The following EPHB2 variants were observed in gnomAD, a reference collection of about 807,000 sequenced individuals.
EPHB2 encodes the protein EPH receptor B2.
Under a neutral mutation model 96.4 loss-of-function variants are expected in EPHB2, and 18 were observed. The ratio of observed to expected loss-of-function variants is 0.19; its 90% CI spans 0.13 to 0.28. EPHB2 has a LOEUF of 0.28. EPHB2 is among the 10% of genes least tolerant of loss of function. The pLI is 1.00. For missense variants in EPHB2, 989 were observed against 1,355.4 expected (o/e 0.73, Z 4.25); for synonymous variants, 506 against 534.1 (o/e 0.95, Z 0.72).
chr1:22,766,433 G>C (rs1644308485), intron 1 of EPHB2, among the ~76,000 whole-genome samples: 1 of 152,248 alleles, frequency 6.6e-6, no homozygotes, highest in Non-Finnish European at 1.5e-5. Context: ...TTTGGGAGCT[G>C]TTCTCAGTCG....
chr1:22,810,239 A>T (rs756180653), intron 3 of EPHB2, among the ~76,000 whole-genome samples: 1 of 152,122 alleles, frequency 6.6e-6, no homozygotes, highest in Admixed American at 6.5e-5. Context: ...CACTGCCAAC[A>T]TGATCCTACG....
intron 3 of EPHB2, among the ~76,000 whole-genome samples, chr1:22,792,485 T>C (rs1438198678): frequency 6.6e-6 from 1 of 152,158 alleles, no homozygotes; most frequent in Non-Finnish European, 1.5e-5. Flanking sequence ...CCCTGGCCAA[T>C]GTACTCAAGT....
intron 1 of EPHB2, among the ~76,000 whole-genome samples, chr1:22,751,757 C>T (rs1166739007): frequency 1.3e-5 from 2 of 152,208 alleles, no homozygotes; most frequent in Non-Finnish European, 2.9e-5. Flanking sequence ...GGGAGGATCA[C>T]CTGCCACACA....
rs1214062715 is a variant in EPHB2, at chr1:22,781,414, C to A, written c.62-7C>A. The A allele has an allele frequency of 6.2e-7, 1 of 1,613,954 alleles. No individual in the cohort carries two copies. Among genetic ancestry groups the A allele is most frequent in the South Asian group, 1.1e-5 (1 of 91,056 alleles). Reference sequence around the variant, plus strand: ...GGCGGGGTGGTGACTCTTTGCTCTCCCCACAGAAACGCTAATGGACTCCAC... The same window carrying A: ...GGCGGGGTGGTGACTCTTTGCTCTCACCACAGAAACGCTAATGGACTCCAC... On this transcript the variant is annotated splice_region_variant and splice_polypyrimidine_tract_variant and intron_variant, in intron 1 of 15. Transcript: ENST00000374630.
intron 1 of EPHB2, among the ~76,000 whole-genome samples, chr1:22,715,843 C>G (rs1388406360): frequency 2.0e-5 from 3 of 152,244 alleles, no homozygotes; most frequent in African/African-American, 7.2e-5. Flanking sequence ...CAAATCCCAG[C>G]TGTGTGCTCT....
chr1:22,863,245 TG>T, intron 4 of EPHB2, 53 bp downstream of exon 4: 1 of 1,612,796 alleles, frequency 6.2e-7, no homozygotes, highest in Non-Finnish European at 8.5e-7. Context: ...CAGGTCTACC[TG>T]CAGAAAAGCT....
At chr1:22,712,176 CG>C (rs1320534342) in intron 1 of EPHB2, among the ~76,000 whole-genome samples, 4 of 152,172 alleles carry the variant, frequency 2.6e-5, no homozygotes, top group African/African-American at 9.6e-5. Context: ...ATACACCTTC[CG>C]GGGAAGACAG....
intron 1 of EPHB2, among the ~76,000 whole-genome samples, chr1:22,735,672 T>G (rs1643811788): frequency 6.6e-6 from 1 of 152,136 alleles, no homozygotes; most frequent in South Asian, 2.1e-4. Context: ...CTGTCTCAGC[T>G]CTACATGATG....
chr1:22,736,471 C>T (rs1328456781), intron 1 of EPHB2, among the ~76,000 whole-genome samples: 3 of 152,232 alleles, frequency 2.0e-5, no homozygotes, highest in African/African-American at 7.2e-5. Flanking sequence ...CTCTGTTTAG[C>T]AGCCCCCACC....
intron 3 of EPHB2, among the ~76,000 whole-genome samples, chr1:22,821,483 C>A (rs1039033569): frequency 6.6e-6 from 1 of 152,106 alleles, no homozygotes; most frequent in Non-Finnish European, 1.5e-5. Flanking sequence ...AGAAAAGGAA[C>A]CTGAAGCCCA....
chr1:22,757,607 A>G (rs989058641), intron 1 of EPHB2, among the ~76,000 whole-genome samples: 3 of 152,138 alleles, frequency 2.0e-5, no homozygotes, highest in African/African-American at 7.2e-5. Flanking sequence ...CATGCCTATA[A>G]TCTCAACACT....
chr1:22,770,285 G>T (rs1644360407), intron 1 of EPHB2, among the ~76,000 whole-genome samples: 1 of 152,150 alleles, frequency 6.6e-6, no homozygotes. Context: ...GGATGAGTGG[G>T]CGTATGGGTC....
chr1:22,735,417 C>G (rs1372372445), intron 1 of EPHB2, among the ~76,000 whole-genome samples: 1 of 145,910 alleles, frequency 6.9e-6, no homozygotes, highest in Non-Finnish European at 1.5e-5. Flanking sequence ...GCAGCCTAAA[C>G]AACAGAGTGA....
At chr1:22,737,279 T>C (rs1021669160) in intron 1 of EPHB2, among the ~76,000 whole-genome samples, 3 of 152,074 alleles carry the variant, frequency 2.0e-5, no homozygotes, top group Non-Finnish European at 4.4e-5. Context: ...CTGAGTCTTC[T>C]AAACTGCAGC....
At chr1:22,896,140 C>T (rs1639553211) in intron 8 of EPHB2, among the ~76,000 whole-genome samples, 1 of 152,130 alleles carries the variant, frequency 6.6e-6, no homozygotes, top group Admixed American at 6.5e-5. Flanking sequence ...GACAGAAGCC[C>T]CTGGGGTTTC....
In EPHB2 at chr1:22,755,103, T is replaced by C. The variant is rs1644128830; in HGVS notation, c.62-26318T>C. 2.0e-5 allele frequency among the ~76,000 whole-genome samples: 3 copies of C among 152,058 alleles called. No individual in the cohort carries two copies. The South Asian group carries it at 6.2e-4, about 32-fold the overall frequency. On this transcript the variant is annotated intron_variant, in intron 1 of 15. Transcript: ENST00000374630. ...GGTGTTAACGTCTCAGCAGCCCCAG[T>C]GGAGACTTTCTCTTTGAGGGATCAG... is the stretch of plus-strand genomic sequence containing the variant.
intron 1 of EPHB2, among the ~76,000 whole-genome samples, chr1:22,771,873 G>A (rs957861881): frequency 2.0e-5 from 3 of 152,192 alleles, no homozygotes; most frequent in Non-Finnish European, 4.4e-5. Flanking sequence ...GAAGGCTTGA[G>A]GGCGACTGGC....
intron 1 of EPHB2, among the ~76,000 whole-genome samples, chr1:22,763,075 C>CCA (rs1644256995): frequency 6.6e-6 from 1 of 152,160 alleles, no homozygotes; most frequent in African/African-American, 2.4e-5. Flanking sequence ...ACAGCTAGGC[C>CCA]CACGCAGGGG....
intron 4 of EPHB2, among the ~76,000 whole-genome samples, chr1:22,863,780 CAT>C (rs910707137): frequency 1.3e-5 from 2 of 152,248 alleles, no homozygotes; most frequent in African/African-American, 4.8e-5. Context: ...TTCAGAATGG[CAT>C]AATCCTAGCT....
Sources: gnomAD v4.1 joint callset for allele counts (sites outside exome capture counted in the v4.1 genomes callset) on GRCh38, gnomAD v4.1.1 for gene constraint, MANE v1.5 for transcripts, NCBI Gene and HGNC (gene_info 2026-07-23, HGNC 2026-07-21) for gene names.